Variants in RHBDF2 observed in about 807,000 individuals in gnomAD.
RHBDF2 encodes the protein rhomboid 5 homolog 2, also known as inactive rhomboid protein 2.
Under a neutral mutation model 95.2 loss-of-function variants are expected in RHBDF2, and 38 were observed. That is an observed-to-expected ratio of 0.40 (90% CI 0.31 to 0.52). The LOEUF is 0.52. Ranked by LOEUF, RHBDF2 falls within the 20% of genes least tolerant of loss-of-function variation. The pLI is 0.56. For missense variants in RHBDF2, 863 were observed against 1,137.7 expected, an observed-to-expected ratio of 0.76 and a Z score of 3.47; for synonymous variants, 442 against 462.0, an observed-to-expected ratio of 0.96 and a Z score of 0.55.
At chr17:76,491,708 T>C (rs1200825040) in intron 1 of RHBDF2, among the ~76,000 whole-genome samples, 2 of 152,116 alleles carry the variant, frequency 1.3e-5, no homozygotes, top group East Asian at 1.9e-4. Context: ...CTTTCCACCA[T>C]TGAGATCAAC....
chr17:76,491,317 C>A (rs1029608205), intron 1 of RHBDF2, among the ~76,000 whole-genome samples: 1 of 152,224 alleles, frequency 6.6e-6, no homozygotes, highest in Non-Finnish European at 1.5e-5. Flanking sequence ...CCAGCTGAGA[C>A]CCCTGCCCAG....
chr17:76,472,458 GGAA>G, intron 18 of RHBDF2: 1 of 650,126 alleles, frequency 1.5e-6, no homozygotes, highest in Admixed American at 2.3e-5. Flanking sequence ...GGCACGGTTA[GGAA>G]GATAAATGAG....
At chr17:76,472,170 G>A in intron 18 of RHBDF2, 118 bp from the exon 19 acceptor site, 3 of 1,004,036 alleles carry the variant, frequency 3.0e-6, no homozygotes, top group Non-Finnish European at 4.3e-6. Context: ...GACCCCTGAG[G>A]CTGAGGGGCA....
chr17:76,471,626 C>T lies in RHBDF2; in HGVS notation c.*7G>A, dbSNP rs1396652570. ...CAGGGCTGAGGGGCAGCCGTGTGGC[C>T]CAGCGGTCAGTGCAGCACCTGGTCC... On this transcript the variant is annotated 3_prime_UTR_variant, in exon 19 of 19. Coordinates refer to ENST00000675367, the MANE Select transcript of RHBDF2 (RefSeq NM_001005498.4). The T allele has an allele frequency of 6.3e-7, 1 of 1,578,100 alleles. No homozygotes were observed. The highest frequency in any genetic ancestry group is 2.3e-5 in the East Asian group (1 of 44,156).
Position 76,471,906 on chromosome 17 carries a change from G to A in RHBDF2, c.2211C>T (p.Pro737=), listed in dbSNP as rs537384985. 6.3e-7 allele frequency: 1 copy of A among 1,578,196 alleles called. No individual in the cohort carries two copies. Among genetic ancestry groups the A allele is most frequent in the East Asian group, 2.3e-5 (1 of 43,364 alleles). The change falls in exon 19 of 19, where the codon CCC becomes CCT. Residue 737 remains proline (P), a synonymous_variant. Transcript: ENST00000675367. ...AGATGTGGGCGATGTTGTCGATCCA[G>A]GGCAGGAGGCCACAGATGAACAGGA... ...VLFLFICGLL[P]WIDNIAHIFG...
At position 76,472,843 on chromosome 17, in the gene RHBDF2, G is replaced by T. The variant is rs778353972; in HGVS notation, c.1911-4C>A. ...AGACACGAGGCAGTGCACCACGCTGGGGGAGGGACACACCAGGCAGCGGCC... is the reference window on the plus strand; with the variant it reads ...AGACACGAGGCAGTGCACCACGCTGTGGGAGGGACACACCAGGCAGCGGCC... On this transcript the variant is annotated splice_polypyrimidine_tract_variant and splice_region_variant and intron_variant, in intron 17 of 18. Transcript: ENST00000675367. 1.9e-6 allele frequency: 3 copies of T among 1,586,124 alleles called. No individual in the cohort carries two copies. Among genetic ancestry groups the T allele is most frequent in the Non-Finnish European group, 2.6e-6 (3 of 1,165,556 alleles).
chr17:76,498,576 G>C (rs1567894400), intron 1 of RHBDF2, among the ~76,000 whole-genome samples: 2 of 152,274 alleles, frequency 1.3e-5, no homozygotes, highest in East Asian at 1.9e-4. Flanking sequence ...GCTGTCATCT[G>C]TCACCTTGTC....
At chr17:76,495,240 G>T (rs1250814540) in intron 1 of RHBDF2, among the ~76,000 whole-genome samples, 2 of 152,224 alleles carry the variant, frequency 1.3e-5, no homozygotes, top group African/African-American at 4.8e-5. Context: ...TGTGTGAGAG[G>T]TCCGTTTCAC....
intron 3 of RHBDF2, among the ~76,000 whole-genome samples, chr17:76,480,492 C>G (rs184702826): frequency 6.6e-6 from 1 of 151,990 alleles, no homozygotes; most frequent in African/African-American, 2.4e-5. Flanking sequence ...TCAAGCAAGC[C>G]TTCTACCTCA....
At chr17:76,482,737 C>T (rs1434581010) in intron 2 of RHBDF2, among the ~76,000 whole-genome samples, 5 of 151,790 alleles carry the variant, frequency 3.3e-5, no homozygotes, top group African/African-American at 4.8e-5. Context: ...CATGCCACTG[C>T]ACTCCAGCCT....
chr17:76,484,225 T>G (rs1363140763), intron 2 of RHBDF2, among the ~76,000 whole-genome samples: 1 of 152,008 alleles, frequency 6.6e-6, no homozygotes, highest in Non-Finnish European at 1.5e-5. Context: ...ATTGCACCAT[T>G]GCACTCCAGC....
chr17:76,484,988 G>A (rs899157362), intron 2 of RHBDF2, among the ~76,000 whole-genome samples: 1 of 152,200 alleles, frequency 6.6e-6, no homozygotes, highest in African/African-American at 2.4e-5. Context: ...AGTGGATGAT[G>A]TCACCGGGCA....
At position 76,471,699 on chromosome 17, in the gene RHBDF2, G is replaced by A; in HGVS notation, c.2418C>T (p.His806=). Residue 806 remains histidine, a synonymous_variant, in exon 19 of 19, where the codon CAC becomes CAT. Transcript: ENST00000675367. ...GGCTGGTGAAGGGGAAGCAGGTGAG[G>A]TGCTCGATCCAGGGCCAGTTAATGG... ...IYPINWPWIE[H]LTCFPFTSRF... is the part of the protein sequence containing the mutation. 1 of 1,610,736 alleles carries A rather than the reference G, an allele frequency of 6.2e-7. No homozygotes were observed. Among genetic ancestry groups the A allele is most frequent in the Non-Finnish European group, 8.5e-7 (1 of 1,178,730 alleles).
intron 9 of RHBDF2, chr17:76,476,553 A>G (rs530649170): frequency 4.8e-5 from 21 of 440,168 alleles, no homozygotes; most frequent in Non-Finnish European, 7.3e-5. Flanking sequence ...AGTGACACTC[A>G]ATGAACATTT....
At chr17:76,478,671 G>T in intron 6 of RHBDF2, 135 bp downstream of exon 6, 1 of 741,338 alleles carries the variant, frequency 1.3e-6, no homozygotes, top group Non-Finnish European at 2.1e-6. Context: ...AGGGATCCCA[G>T]CACATCCACT....
intron 2 of RHBDF2, among the ~76,000 whole-genome samples, chr17:76,483,954 G>A (rs546421147): frequency 5.3e-5 from 8 of 152,138 alleles, no homozygotes; most frequent in African/African-American, 1.7e-4. Flanking sequence ...CCCCATGACC[G>A]TCTTCTTGTT....
At chr17:76,475,210 C>T in intron 9 of RHBDF2, 69 bp from the exon 10 acceptor site, 1 of 1,180,418 alleles carries the variant, frequency 8.5e-7, no homozygotes, top group Non-Finnish European at 1.2e-6. Flanking sequence ...GCCACAGGGC[C>T]ACCCTGGCCT....
intron 1 of RHBDF2, among the ~76,000 whole-genome samples, chr17:76,491,973 G>GC (rs775289550): frequency 6.6e-6 from 1 of 152,154 alleles, no homozygotes; most frequent in Non-Finnish European, 1.5e-5. Context: ...CTTCCTCCTG[G>GC]CCCGCAGTCA....
intron 1 of RHBDF2, among the ~76,000 whole-genome samples, chr17:76,498,614 G>T (rs2074489601): frequency 1.3e-5 from 2 of 152,230 alleles, no homozygotes; most frequent in Non-Finnish European, 2.9e-5. Context: ...AGCAAGGACA[G>T]AAACCTTGGT....
Sources: gnomAD v4.1 joint callset for allele counts (sites outside exome capture counted in the v4.1 genomes callset) on GRCh38, gnomAD v4.1.1 for gene constraint, MANE v1.5 for transcripts, NCBI Gene and HGNC (gene_info 2026-07-23, HGNC 2026-07-21) for gene names.